The following ADAM32 variants were observed in gnomAD, a reference collection of about 807,000 sequenced individuals.
The protein encoded by ADAM32 is ADAM metallopeptidase domain 32, also known as disintegrin and metalloproteinase domain-containing protein 32.
Under a neutral mutation model 114.9 loss-of-function variants are expected in ADAM32, and 89 were observed. That is an observed-to-expected ratio of 0.77 (90% CI 0.65 to 0.92). The LOEUF (loss-of-function observed/expected upper bound fraction) is 0.92. ADAM32 is among the 40% of genes least tolerant of loss of function. The probability of loss-of-function intolerance (pLI) is 0.00; values close to 1 mark genes in which losing one functional copy is unlikely to be tolerated. For missense variants in ADAM32, 870 were observed against 932.8 expected (o/e 0.93, Z 0.88); for synonymous variants, 285 against 307.5 (o/e 0.93, Z 0.77).
intron 7 of ADAM32, among the ~76,000 whole-genome samples, chr8:39,163,837 G>A (rs1222630311): frequency 6.6e-6 from 1 of 152,152 alleles, no homozygotes. Flanking sequence ...ATTTATTTTA[G>A]TTTTGGATAT....
chr8:39,257,434 A>G, intron 19 of ADAM32, 91 bp downstream of exon 19: 1 of 1,401,620 alleles, frequency 7.1e-7, no homozygotes, highest in South Asian at 1.6e-5. Context: ...GCAATACTTT[A>G]CATATCACTG....
intron 11 of ADAM32, among the ~76,000 whole-genome samples, chr8:39,195,266 C>T (rs574974298): frequency 3.7e-4 from 57 of 152,246 alleles, no homozygotes; most frequent in African/African-American, 1.3e-3. Flanking sequence ...CCACCTCTCC[C>T]CTTAAATGCG....
chr8:39,194,817 G>T (rs1806854646), intron 11 of ADAM32, among the ~76,000 whole-genome samples: 1 of 152,208 alleles, frequency 6.6e-6, no homozygotes, highest in Admixed American at 6.5e-5. Context: ...ACGGAAGGAA[G>T]TTAAGCCTAG....
At chr8:39,258,996 C>A (rs1363625027) in intron 19 of ADAM32, among the ~76,000 whole-genome samples, 1 of 151,894 alleles carries the variant, frequency 6.6e-6, no homozygotes, top group Non-Finnish European at 1.5e-5. Flanking sequence ...CAACTTTTTT[C>A]GTTTTTTTCT....
intron 7 of ADAM32, among the ~76,000 whole-genome samples, chr8:39,161,594 G>T (rs193144331): frequency 8.5e-5 from 13 of 152,116 alleles, no homozygotes; most frequent in African/African-American, 3.1e-4. Flanking sequence ...TCAGAAAATA[G>T]AGATTAAAAA....
chr8:39,148,075 A>G (rs1803611209), intron 4 of ADAM32, among the ~76,000 whole-genome samples: 1 of 152,080 alleles, frequency 6.6e-6, no homozygotes, highest in African/African-American at 2.4e-5. Flanking sequence ...CACCGCACCC[A>G]GCCTCAGTCA....
chr8:39,129,593 A>G (rs1474268821), intron 2 of ADAM32, among the ~76,000 whole-genome samples: 1 of 152,182 alleles, frequency 6.6e-6, no homozygotes. Context: ...TTTGTCTGCT[A>G]ATATTTCAAG....
intron 1 of ADAM32, among the ~76,000 whole-genome samples, chr8:39,110,371 G>A (rs755079472): frequency 9.2e-5 from 14 of 152,158 alleles, no homozygotes; most frequent in Non-Finnish European, 1.8e-4. Flanking sequence ...GCACCCGGCC[G>A]CTTTTTTATT....
intron 7 of ADAM32, among the ~76,000 whole-genome samples, chr8:39,162,286 T>C (rs1355507150): frequency 1.3e-5 from 2 of 151,652 alleles, no homozygotes; most frequent in Admixed American, 1.3e-4. Flanking sequence ...TTGCGATAGT[T>C]TGCTGAGAAT....
rs773919746 is a variant in ADAM32 at position 39,211,164 on chromosome 8, C to T, written c.1073C>T (p.Thr358Ile). 3 of 1,595,756 alleles carry T rather than the reference C, an allele frequency of 1.9e-6. No homozygotes were observed. In the East Asian group the frequency reaches 6.8e-5, roughly 36 times the overall value. The change falls in exon 12 of 25, where the codon ACT becomes ATT. Residue 358 changes from threonine (T) to isoleucine (I), a missense_variant. By Grantham distance (89) the Thr-to-Ile change is moderately conservative. Transcript: ENST00000379907. ...TTTAGGCAATCCAATGGTGTGAAGA[C>T]TTTTAGCAGTTGCAGTTTGAGGAGC... ...PEVVQSNGVK[T>I]FSSCSLRSFQ...
At chr8:39,244,436 A>G (rs1022861675) in intron 16 of ADAM32, among the ~76,000 whole-genome samples, 2 of 152,188 alleles carry the variant, frequency 1.3e-5, no homozygotes, top group Non-Finnish European at 2.9e-5. Flanking sequence ...GCATGGTACC[A>G]CTATAAAAAT....
chr8:39,136,773 C>A, intron 3 of ADAM32, 55 bp downstream of exon 3: 1 of 1,193,960 alleles, frequency 8.4e-7, no homozygotes, highest in East Asian at 2.8e-5. Context: ...AAGCTGTTTA[C>A]TTGCAATAGA....
intron 22 of ADAM32, chr8:39,276,088 G>T (rs2129451541): frequency 7.4e-6 from 3 of 404,610 alleles, no homozygotes; most frequent in South Asian, 1.2e-4. Flanking sequence ...TATGTGTTGG[G>T]AGTTTATTTT....
chr8:39,263,060 C>A (rs1812143787), intron 19 of ADAM32, among the ~76,000 whole-genome samples: 1 of 151,924 alleles, frequency 6.6e-6, no homozygotes, highest in Admixed American at 6.6e-5. Context: ...TGGAATTTAC[C>A]CATTTCTTCT....
chr8:39,148,183 C>A (rs1803619055), intron 4 of ADAM32, among the ~76,000 whole-genome samples: 1 of 152,200 alleles, frequency 6.6e-6, no homozygotes, highest in Non-Finnish European at 1.5e-5. Flanking sequence ...CCACCACTTA[C>A]AGAGTGAAAG....
intron 1 of ADAM32, among the ~76,000 whole-genome samples, chr8:39,111,890 C>T (rs117324094): frequency 8.0e-4 from 121 of 152,136 alleles, no homozygotes; most frequent in South Asian, 3.5e-3. Context: ...AAGTGACATA[C>T]GCATTTATGT....
intron 7 of ADAM32, 97 bp downstream of exon 7, chr8:39,161,062 TACTC>T (rs778145139): frequency 1.8e-6 from 2 of 1,109,116 alleles, no homozygotes; most frequent in East Asian, 2.7e-5. Context: ...CCAATGTTCT[TACTC>T]ACATGTCATA....
chr8:39,182,435 C>T (rs1805961038), intron 10 of ADAM32, among the ~76,000 whole-genome samples: 1 of 152,146 alleles, frequency 6.6e-6, no homozygotes, highest in African/African-American at 2.4e-5. Flanking sequence ...TTACCATGCA[C>T]AACATGATGT....
rs536637313 is a variant in ADAM32, at chr8:39,161,487, A to G, written c.594+522A>G. On this transcript the variant is annotated intron_variant, in intron 7 of 24. Transcript: ENST00000379907. ...GTACCTCGAGATTCCTAATTTCCATAAACAGTCTGAGGCCTCTGAATTTCA... is the reference window on the plus strand; with the variant it reads ...GTACCTCGAGATTCCTAATTTCCATGAACAGTCTGAGGCCTCTGAATTTCA... 7.2e-5 allele frequency among the ~76,000 whole-genome samples: 11 copies of G among 152,308 alleles called. No individual in the cohort carries two copies. In the South Asian group the frequency reaches 2.1e-3, roughly 29 times the overall value.
Sources: gnomAD v4.1 joint callset for allele counts (sites outside exome capture counted in the v4.1 genomes callset) on GRCh38, gnomAD v4.1.1 for gene constraint, MANE v1.5 for transcripts, NCBI Gene and HGNC (gene_info 2026-07-23, HGNC 2026-07-21) for gene names.